The following AP3B1 variants were observed in gnomAD, a reference collection of about 807,000 sequenced individuals.
AP3B1 encodes adaptor related protein complex 3 subunit beta 1.
A neutral mutation model predicts 132.5 loss-of-function variants in AP3B1; 61 were observed. The ratio of observed to expected loss-of-function variants is 0.46; its 90% confidence interval spans 0.37 to 0.57. The LOEUF (loss-of-function observed/expected upper bound fraction) is 0.57. AP3B1 is among the 20% of genes least tolerant of loss of function. AP3B1 has a pLI of 0.00. For synonymous variants in AP3B1, 388 were observed against 438.3 expected (o/e 0.89, Z 1.43); for missense variants, 1,120 against 1,289.4 (o/e 0.87, Z 2.01).
intron 25 of AP3B1, among the ~76,000 whole-genome samples, chr5:78,018,472 T>C (rs1004444523): frequency 1.2e-4 from 18 of 147,306 alleles, no homozygotes; most frequent in South Asian, 2.1e-4. Flanking sequence ...TATTTAATAC[T>C]GTACACTTTT....
intron 1 of AP3B1, among the ~76,000 whole-genome samples, chr5:78,285,670 A>G (rs1335070559): frequency 6.6e-6 from 1 of 151,722 alleles, no homozygotes; most frequent in Non-Finnish European, 1.5e-5. Context: ...CCCCCTTTAA[A>G]AAAAAATTCC....
intron 2 of AP3B1, among the ~76,000 whole-genome samples, chr5:78,265,515 A>T (rs1748286024): frequency 6.6e-6 from 1 of 152,200 alleles, no homozygotes; most frequent in Non-Finnish European, 1.5e-5. Flanking sequence ...TTCTCTTATC[A>T]GTGTTTAACT....
intron 20 of AP3B1, 76 bp downstream of exon 20, chr5:78,110,131 G>T: frequency 3.1e-6 from 4 of 1,276,662 alleles, no homozygotes; most frequent in Non-Finnish European, 2.2e-6. Context: ...CACAGGAGTA[G>T]ATGAGGATGG....
At chr5:78,176,463 C>T (rs1393924398) in intron 9 of AP3B1, among the ~76,000 whole-genome samples, 1 of 152,066 alleles carries the variant, frequency 6.6e-6, no homozygotes, top group Non-Finnish European at 1.5e-5. Context: ...TCAAGAGCTA[C>T]AATTGTGGAC....
At chr5:78,090,440 G>C (rs1580332409) in intron 21 of AP3B1, among the ~76,000 whole-genome samples, 1 of 152,254 alleles carries the variant, frequency 6.6e-6, no homozygotes, top group Non-Finnish European at 1.5e-5. Context: ...CTACGTCTTG[G>C]AGCCTTTTAT....
At chr5:78,214,792 C>T (rs1745887454) in intron 7 of AP3B1, among the ~76,000 whole-genome samples, 1 of 152,022 alleles carries the variant, frequency 6.6e-6, no homozygotes, top group Non-Finnish European at 1.5e-5. Context: ...ATAAAATTAA[C>T]TTTATAAAAT....
intron 26 of AP3B1, among the ~76,000 whole-genome samples, chr5:78,013,965 C>A (rs928237988): frequency 6.6e-6 from 1 of 152,114 alleles, no homozygotes; most frequent in Non-Finnish European, 1.5e-5. Context: ...AGATCGAGAC[C>A]ATCCTGGCTA....
At chr5:78,015,301 T>C (rs1308800556) in intron 26 of AP3B1, 109 bp downstream of exon 26, 2 of 1,134,906 alleles carry the variant, frequency 1.8e-6, no homozygotes, top group African/African-American at 3.1e-5. Context: ...TGTGTATATA[T>C]ATATATGTTT....
intron 3 of AP3B1, among the ~76,000 whole-genome samples, chr5:78,237,737 C>T (rs1270955061): frequency 1.3e-5 from 2 of 152,022 alleles, no homozygotes; most frequent in Non-Finnish European, 2.9e-5. Flanking sequence ...CACCTGAACC[C>T]GGCAGGCAGA....
chr5:78,261,255 C>T (rs1441657631), intron 2 of AP3B1, among the ~76,000 whole-genome samples: 1 of 152,190 alleles, frequency 6.6e-6, no homozygotes, highest in African/African-American at 2.4e-5. Context: ...TATTTCTCTA[C>T]CCTCACCAAC....
intron 22 of AP3B1, among the ~76,000 whole-genome samples, chr5:78,078,101 T>A (rs1749836084): frequency 6.6e-6 from 1 of 152,186 alleles, no homozygotes; most frequent in Admixed American, 6.5e-5. Flanking sequence ...TAGTTGGCCC[T>A]AATTTTTCAC....
intron 6 of AP3B1, among the ~76,000 whole-genome samples, chr5:78,217,221 T>C (rs973904701): frequency 1.3e-5 from 2 of 152,166 alleles, no homozygotes; most frequent in Non-Finnish European, 2.9e-5. Flanking sequence ...ACAATGATAT[T>C]CATATTTTGA....
chr5:78,129,276 A>G lies in AP3B1; in HGVS notation c.1682T>C (p.Leu561Pro). ...TKLLTQYILN[L>P]GKYDQNYDIR... ...GTCGTAGTTTTGATCATACTTGCCG[A>G]GATTTAATATGTACTGGGTAAGCAA... Residue 561 changes from leucine (L) to proline (P), a missense_variant, in exon 16 of 27, where the codon CTC (leucine) becomes CCC (proline). Leu to Pro is a moderately conservative substitution (Grantham distance 98). Around this residue, in one of 3 missense-constraint regions of AP3B1, gnomAD observed 906 missense variants for 997.1 expected, o/e 0.91. Coordinates refer to ENST00000255194, the MANE Select transcript of AP3B1 (RefSeq NM_003664.5). 1.2e-6 allele frequency: 2 copies of G among 1,613,184 alleles called. No individual in the cohort carries two copies. The highest frequency in any genetic ancestry group is 1.7e-6 in the Non-Finnish European group (2 of 1,179,264).
At chr5:78,039,384 T>G in intron 22 of AP3B1, 110 bp from the exon 23 acceptor site, 1 of 832,786 alleles carries the variant, frequency 1.2e-6, no homozygotes, top group Non-Finnish European at 2.0e-6. Flanking sequence ...TACAGTATTA[T>G]ATGAACTACA....
At chr5:78,220,944 G>A (rs1159411549) in intron 6 of AP3B1, among the ~76,000 whole-genome samples, 1 of 152,092 alleles carries the variant, frequency 6.6e-6, no homozygotes, top group Non-Finnish European at 1.5e-5. Flanking sequence ...ATTTACTCAG[G>A]AGGCTGGGAC....
At chr5:78,094,049 A>G (rs1019901974) in intron 21 of AP3B1, among the ~76,000 whole-genome samples, 3 of 152,224 alleles carry the variant, frequency 2.0e-5, no homozygotes, top group Non-Finnish European at 2.9e-5. Flanking sequence ...TTGTTGGCTG[A>G]CAGAGATTTT....
intron 26 of AP3B1, among the ~76,000 whole-genome samples, chr5:78,014,021 G>A (rs1198864828): frequency 6.6e-6 from 1 of 152,104 alleles, no homozygotes; most frequent in African/African-American, 2.4e-5. Context: ...AAATTAGCCG[G>A]GCGTGGTGCC....
rs527392111 is a variant in AP3B1 at position 78,138,721 on chromosome 5, C to T, written c.1650+2422G>A. Among the ~76,000 whole-genome samples, 6 of 152,044 alleles carry T rather than the reference C, an allele frequency of 3.9e-5. No individual in the cohort carries two copies. The South Asian group carries it at 1.0e-3, about 26-fold the overall frequency. On this transcript the variant is annotated intron_variant, in intron 15 of 26. Transcript: ENST00000255194. ...ATATAAAATATCACGTCTGTAATCC[C>T]AGCACTTTGGGAGGCCGAGGTGAGC...
chr5:78,254,602 T>C (rs1580549808), intron 2 of AP3B1, among the ~76,000 whole-genome samples: 1 of 152,266 alleles, frequency 6.6e-6, no homozygotes, highest in East Asian at 1.9e-4. Flanking sequence ...GTATATCCAG[T>C]GAAAATATCC....
Sources: gnomAD v4.1 joint callset for allele counts (sites outside exome capture counted in the v4.1 genomes callset) on GRCh38, gnomAD v4.1.1 for gene constraint, gnomAD v4.1.1 regional missense constraint, MANE v1.5 for transcripts, NCBI Gene and HGNC (gene_info 2026-07-23, HGNC 2026-07-21) for gene names.